Variants in MYEF2 observed in about 807,000 individuals in gnomAD.
MYEF2 encodes myelin gene expression factor 2.
Under a neutral mutation model 75.2 loss-of-function variants are expected in MYEF2, and 37 were observed. The ratio of observed to expected loss-of-function variants is 0.49; its 90% CI spans 0.38 to 0.65. MYEF2 has a LOEUF of 0.65. Ranked by LOEUF, MYEF2 falls within the 30% of genes least tolerant of loss-of-function variation. The pLI is 0.00. For synonymous variants in MYEF2, 195 were observed against 241.6 expected (o/e 0.81, Z 1.79); for missense variants, 634 against 771.4 (o/e 0.82, Z 2.11).
At chr15:48,143,235 C>G (rs1036431826) in intron 16 of MYEF2, among the ~76,000 whole-genome samples, 164 bp from the exon 17 acceptor site, 1 of 151,648 alleles carries the variant, frequency 6.6e-6, no homozygotes, top group African/African-American at 2.4e-5. Context: ...AAATACAATT[C>G]ATACAAAGTA....
chr15:48,152,217 CA>C lies in MYEF2; in HGVS notation c.1138+16del. On this transcript the variant is annotated intron_variant, in intron 11 of 16. Transcript: ENST00000324324. ...ATGGTGATGGGTACATACAAAAAAA[CA>C]AATCTTTATACATACCTCCTCCAAT... The C allele has an allele frequency of 6.2e-7, 1 of 1,603,226 alleles. No homozygotes were observed.
Position 48,141,906 on chromosome 15 carries a change from T to C in MYEF2, c.*1002A>G, listed in dbSNP as rs1285038117. ...TACAAATTCAGTAAGACTTTTGCTC[T>C]AACAACAATTTTTCAAAACGAATCA... On this transcript the variant is annotated 3_prime_UTR_variant, in exon 17 of 17. Coordinates refer to ENST00000324324, the MANE Select transcript of MYEF2 (RefSeq NM_016132.5). 5 of 697,724 alleles carry C rather than the reference T, an allele frequency of 7.2e-6. No individual in the cohort carries two copies. The highest frequency in any genetic ancestry group is 3.3e-5 in the South Asian group (1 of 30,246). The allele number at this position is 697,724 out of a possible 1,614,324, so 43.2% of individuals were successfully genotyped here.
At chr15:48,175,903 CT>C (rs1340209071) in intron 1 of MYEF2, among the ~76,000 whole-genome samples, 1 of 152,058 alleles carries the variant, frequency 6.6e-6, no homozygotes, top group Non-Finnish European at 1.5e-5. Flanking sequence ...ACTAAATTCC[CT>C]GTATATGAGT....
intron 9 of MYEF2, chr15:48,157,785 A>G: frequency 7.6e-7 from 1 of 1,308,794 alleles, no homozygotes; most frequent in Non-Finnish European, 9.7e-7. Flanking sequence ...ATTAGTCAGG[A>G]AAAGTTACCA....
chr15:48,168,371 A>G (rs987084215), intron 2 of MYEF2, among the ~76,000 whole-genome samples: 5 of 152,164 alleles, frequency 3.3e-5, no homozygotes, highest in African/African-American at 1.2e-4. Flanking sequence ...AGACAAAGCA[A>G]TCACTTTAAC....
rs950295622 is a variant in MYEF2 at position 48,151,160 on chromosome 15, T to C, written c.1318A>G (p.Ile440Val). Reference protein sequence around the residue: ...DSFGRLGSAMIGGFAGRIGSS... With the variant: ...DSFGRLGSAMVGGFAGRIGSS... Reference sequence around the variant, plus strand: ...CCTATTCTTCCTGCAAACCCTCCAATCATTGCACTGCCTAAACAAGGATGG... The same window carrying C: ...CCTATTCTTCCTGCAAACCCTCCAACCATTGCACTGCCTAAACAAGGATGG... The change falls in exon 14 of 17, where the codon ATT (isoleucine) becomes GTT (valine). Residue 440 changes from isoleucine (I) to valine (V), a missense_variant. Physicochemically the swap from Ile to Val is conservative, Grantham distance 29. Transcript: ENST00000324324. 3.1e-6 allele frequency: 5 copies of C among 1,609,910 alleles called. No individual in the cohort carries two copies. In the African/African-American group the frequency reaches 6.7e-5, roughly 22 times the overall value.
chr15:48,159,839 T>C (rs1032340478), intron 5 of MYEF2, 35 bp from the exon 6 acceptor site: 4 of 1,560,994 alleles, frequency 2.6e-6, no homozygotes, highest in East Asian at 4.6e-5. Context: ...TTCCACTAAA[T>C]ACATCACTAA....
rs2039104784 is a variant in MYEF2 at position 48,141,961 on chromosome 15, C to T, written c.*947G>A. On this transcript the variant is annotated 3_prime_UTR_variant, in exon 17 of 17. Transcript: ENST00000324324. The stretch of plus-strand genomic sequence containing the variant: ...CAAAAAAGTATCCAGTGTTTCTTTT[C>T]TTATGAAGATTATTAATAAAACACA... 1.7e-6 allele frequency: 2 copies of T among 1,178,834 alleles called. No individual in the cohort carries two copies. Among genetic ancestry groups the T allele is most frequent in the Non-Finnish European group, 1.2e-6 (1 of 861,504 alleles). 73.0% of individuals were successfully genotyped at this position (1,178,834 alleles called of 1,614,324 possible).
At chr15:48,143,386 C>G (rs1250345768) in intron 16 of MYEF2, among the ~76,000 whole-genome samples, 2 of 151,954 alleles carry the variant, frequency 1.3e-5, no homozygotes, top group African/African-American at 4.8e-5. Flanking sequence ...AAAATGCCGC[C>G]AACTCACCAT....
At chr15:48,159,020 C>A (rs963830735) in intron 6 of MYEF2, 98 bp from the exon 7 acceptor site, 1 of 1,030,968 alleles carries the variant, frequency 9.7e-7, no homozygotes, top group Non-Finnish European at 1.4e-6. Flanking sequence ...CCATAAAGAA[C>A]CATAATTCTA....
At position 48,141,084 on chromosome 15, in the gene MYEF2, T is replaced by C. The variant is rs1263729474; in HGVS notation, c.*1824A>G. 4 of 1,554,270 alleles carry C rather than the reference T, an allele frequency of 2.6e-6. No homozygotes were observed. The highest frequency in any genetic ancestry group is 3.5e-6 in the Non-Finnish European group (4 of 1,129,752). ...AGGATGGTTAGTGAATCTTTAAGAT[T>C]TGTAACTTGAAATATCTGTTTATTA... On this transcript the variant is annotated 3_prime_UTR_variant, in exon 17 of 17. Coordinates refer to ENST00000324324, the MANE Select transcript of MYEF2 (RefSeq NM_016132.5).
Position 48,153,641 on chromosome 15 carries a change from G to GTTGA in MYEF2, c.1087+150_1087+151insTCAA. 4 of 651,222 alleles carry GTTGA rather than the reference G, an allele frequency of 6.1e-6. No homozygotes were observed. In the South Asian group the frequency reaches 8.5e-5, roughly 14 times the overall value. The allele number at this position is 651,222 out of a possible 1,614,324, so 40.3% of individuals were successfully genotyped here. On this transcript the variant is annotated intron_variant, in intron 10 of 16. Coordinates refer to ENST00000324324, the MANE Select transcript of MYEF2 (RefSeq NM_016132.5). ...TCTCTTTCATGTTAGCTGTGCTCAA[G>GTTGA]GTTTCATTCCTTTTTCAGAATGAAG... is the stretch of plus-strand genomic sequence containing the variant.
intron 1 of MYEF2, among the ~76,000 whole-genome samples, chr15:48,169,077 T>C (rs1214840208): frequency 6.6e-6 from 1 of 152,200 alleles, no homozygotes; most frequent in Non-Finnish European, 1.5e-5. Context: ...TAAATAGTTG[T>C]AAGCATCCAA....
intron 7 of MYEF2, 47 bp from the exon 8 acceptor site, chr15:48,158,271 T>C (rs769042695): frequency 1.3e-6 from 2 of 1,553,960 alleles, no homozygotes; most frequent in African/African-American, 1.4e-5. Context: ...TATAAAATTA[T>C]AACAGAACAC....
intron 1 of MYEF2, among the ~76,000 whole-genome samples, chr15:48,175,934 A>G (rs992093686): frequency 3.3e-5 from 5 of 152,134 alleles, no homozygotes; most frequent in African/African-American, 1.2e-4. Flanking sequence ...ATGAAAGTTC[A>G]CTTCTGCATT....
chr15:48,151,403 A>G, intron 13 of MYEF2, 70 bp downstream of exon 13: 4 of 1,426,348 alleles, frequency 2.8e-6, no homozygotes, highest in Non-Finnish European at 3.9e-6. Context: ...TTTTTCACAA[A>G]AAAAGAGAAA....
chr15:48,141,380 C>A lies in MYEF2; in HGVS notation c.*1528G>T. On this transcript the variant is annotated 3_prime_UTR_variant, in exon 17 of 17. Transcript: ENST00000324324. Reference sequence around the variant, plus strand: ...GATCACGAGGTCAGGAGTTTGAGACCAGCCTGACCAACATGGTGAAACCCA... The same window carrying A: ...GATCACGAGGTCAGGAGTTTGAGACAAGCCTGACCAACATGGTGAAACCCA... The A allele has an allele frequency of 2.1e-6, 1 of 473,784 alleles. No individual in the cohort carries two copies. The highest frequency in any genetic ancestry group is 4.0e-5 in the East Asian group (1 of 25,278). The allele number at this position is 473,784 out of a possible 1,614,324, so 29.3% of individuals were successfully genotyped here.
rs562308144 is a variant in MYEF2 at position 48,160,085 on chromosome 15, T to C, written c.526-281A>G. ...AATTTTGCTCTCACACTAGGGTACA[T>C]GCATACATACATGTAACTCAAAGAA... On this transcript the variant is annotated intron_variant, in intron 5 of 16. Coordinates refer to ENST00000324324, the MANE Select transcript of MYEF2 (RefSeq NM_016132.5). 2.0e-5 allele frequency among the ~76,000 whole-genome samples: 3 copies of C among 152,224 alleles called. No homozygotes were observed. In the East Asian group the frequency reaches 5.8e-4, roughly 29 times the overall value.
chr15:48,176,991 A>C (rs1337080883), intron 1 of MYEF2, among the ~76,000 whole-genome samples: 4 of 152,210 alleles, frequency 2.6e-5, no homozygotes, highest in Non-Finnish European at 5.9e-5. Flanking sequence ...ACTTTTACAC[A>C]GACTGGTCCA....
Sources: allele counts gnomAD v4.1 joint callset (sites outside exome capture counted in the v4.1 genomes callset), GRCh38; gene constraint gnomAD v4.1.1; transcripts MANE v1.5; gene names NCBI Gene and HGNC (gene_info 2026-07-23, HGNC 2026-07-21).